INPP5D: variants seen among roughly 807,000 people sequenced by gnomAD.
The protein encoded by INPP5D is inositol polyphosphate-5-phosphatase D, also known as phosphatidylinositol 3,4,5-trisphosphate 5-phosphatase 1.
In INPP5D, 33 loss-of-function variants were observed where a neutral mutation model predicts 122.9. That is an observed-to-expected ratio of 0.27 (90% CI 0.20 to 0.36). INPP5D has a LOEUF of 0.36. INPP5D is among the 10% of genes least tolerant of loss of function. INPP5D has a pLI of 1.00. For synonymous variants in INPP5D, 584 were observed against 576.2 expected, an observed-to-expected ratio of 1.01 and a Z score of -0.19; for missense variants, 1,053 against 1,412.7, an observed-to-expected ratio of 0.75 and a Z score of 4.08.
intron 2 of INPP5D, among the ~76,000 whole-genome samples, chr2:233,081,693 TG>T (rs1691693606): frequency 6.6e-6 from 1 of 151,898 alleles, no homozygotes; most frequent in Non-Finnish European, 1.5e-5. Context: ...GGGTAAGGGG[TG>T]GGCAGCCTTT....
At chr2:233,121,121 C>CTTTTTTTTTTTCTTTT (rs1559302919) in intron 2 of INPP5D, among the ~76,000 whole-genome samples, 6 of 117,650 alleles carry the variant, frequency 5.1e-5, no homozygotes, top group Admixed American at 8.9e-5. Context: ...TTCTTTCTTT[C>CTTTTTTTTTTTCTTTT]TTTTTTTTTT....
intron 3 of INPP5D, among the ~76,000 whole-genome samples, chr2:233,123,636 T>C (rs1693063230): frequency 6.6e-6 from 1 of 152,144 alleles, no homozygotes; most frequent in African/African-American, 2.4e-5. Flanking sequence ...CCTAAGGGAA[T>C]AGAAATCATT....
rs1439466145 is a variant in INPP5D, at chr2:233,099,934, T to TATG, written c.198+20536_198+20537insATG. ...GGCGGAAGGTGAAGGGCACATCTCA[T>TATG]GTGGCAGACAAGAGAAGAATGAGCT... On this transcript the variant is annotated intron_variant, in intron 2 of 26. Coordinates refer to ENST00000445964, the MANE Select transcript of INPP5D (RefSeq NM_001017915.3). 3.4e-3 allele frequency among the ~76,000 whole-genome samples: 511 copies of TATG among 152,224 alleles called. 2 individuals carry two copies. The highest frequency in any genetic ancestry group is 0.011 in the African/African-American group (471 of 41,490).
intron 2 of INPP5D, among the ~76,000 whole-genome samples, chr2:233,080,719 G>A (rs1404622789): frequency 6.6e-6 from 1 of 152,172 alleles, no homozygotes; most frequent in Non-Finnish European, 1.5e-5. Context: ...AGTAGACAGG[G>A]AGCTGGACTC....
intron 2 of INPP5D, among the ~76,000 whole-genome samples, chr2:233,109,431 G>A (rs115181022): frequency 0.017 from 2,602 of 152,270 alleles, 59 homozygotes; most frequent in African/African-American, 0.055. Flanking sequence ...TATTGGCGTG[G>A]GCATTGTTGC....
In INPP5D at chr2:233,206,681, C is replaced by A. The variant is rs757976299; in HGVS notation, c.3568-25C>A. The stretch of plus-strand genomic sequence containing the variant: ...ATGGCCTGGTGAGAATGAGCCCTGA[C>A]AGCCCTTCTGTTCTTGTCCCACAGT... On this transcript the variant is annotated intron_variant, in intron 26 of 26. Coordinates refer to ENST00000445964, the MANE Select transcript of INPP5D (RefSeq NM_001017915.3). This position sits in a 1 kb window ranked among gnomAD's most constrained non-coding sequence, Gnocchi z 4.0. The A allele has an allele frequency of 1.3e-6, 1 of 772,096 alleles. No individual in the cohort carries two copies. 47.8% of individuals were successfully genotyped at this position (772,096 alleles called of 1,614,324 possible).
chr2:233,082,112 T>C lies in INPP5D; in HGVS notation c.198+2714T>C, dbSNP rs1360276380. On this transcript the variant is annotated intron_variant, in intron 2 of 26. Transcript: ENST00000445964. The surrounding 1 kb of genome is among the most constrained non-coding windows in gnomAD (Gnocchi z 4.7). ...TGACCCCGGCACTAGATCTGTGACC[T>C]CCGCAGTAGCTGACATGGTACAGGG... Among the ~76,000 whole-genome samples the C allele has an allele frequency of 6.6e-6, 1 of 152,120 alleles. No individual in the cohort carries two copies. The highest frequency in any genetic ancestry group is 2.4e-5 in the African/African-American group (1 of 41,412).
chr2:233,118,120 C>T (rs1692856858), intron 2 of INPP5D, among the ~76,000 whole-genome samples: 1 of 152,212 alleles, frequency 6.6e-6, no homozygotes, highest in Non-Finnish European at 1.5e-5. Context: ...GACCCACCTA[C>T]TCCTGCTGGC....
At chr2:233,132,469 C>T (rs541487471) in intron 5 of INPP5D, among the ~76,000 whole-genome samples, 1 of 152,342 alleles carries the variant, frequency 6.6e-6, no homozygotes, top group East Asian at 1.9e-4. Context: ...CTTCTAGCTG[C>T]TCCATGACTC....
intron 6 of INPP5D, among the ~76,000 whole-genome samples, chr2:233,143,657 A>G (rs1693675402): frequency 6.6e-6 from 1 of 152,260 alleles, no homozygotes; most frequent in South Asian, 2.1e-4. Flanking sequence ...AGCAAGGGAA[A>G]GACCAAAAAG....
intron 2 of INPP5D, among the ~76,000 whole-genome samples, chr2:233,102,109 C>A (rs779858194): frequency 1.2e-4 from 19 of 152,090 alleles, no homozygotes; most frequent in East Asian, 1.9e-4. Flanking sequence ...CTGGTTTGGT[C>A]TCAGAGAGTT....
At position 233,207,018 on chromosome 2, in the gene INPP5D, C is replaced by T. The variant is rs539966442; in HGVS notation, c.*310C>T. ...GCCATTCTGAAGAAAGGAACTGCAG[C>T]GCCGATTTGAGGGTGGAGATATAGA... On this transcript the variant is annotated 3_prime_UTR_variant, in exon 27 of 27. Coordinates refer to ENST00000445964, the MANE Select transcript of INPP5D (RefSeq NM_001017915.3). This position sits in a 1 kb window ranked among gnomAD's most constrained non-coding sequence, Gnocchi z 4.6. 1.8e-5 allele frequency: 6 copies of T among 342,210 alleles called. No individual in the cohort carries two copies. Among genetic ancestry groups the T allele is most frequent in the East Asian group, 6.1e-5 (1 of 16,462 alleles). 21.2% of individuals were successfully genotyped at this position (342,210 alleles called of 1,614,324 possible). A position where few individuals can be genotyped will look rare whatever the true frequency, so the allele number is the denominator to read the frequency against.
intron 9 of INPP5D, among the ~76,000 whole-genome samples, chr2:233,153,496 G>A (rs1381071686): frequency 6.6e-6 from 1 of 152,156 alleles, no homozygotes; most frequent in African/African-American, 2.4e-5. Context: ...GATGGATAGC[G>A]AGAGTCACTT....
chr2:233,197,131 G>T lies in INPP5D; in HGVS notation c.2694-964G>T, dbSNP rs1402981514. ...GGGAACAAGGTACAGCTCGGAACCA[G>T]GCTGGCAGAGCACATGGGAGCTGTG... On this transcript the variant is annotated intron_variant, in intron 24 of 26. Coordinates refer to ENST00000445964, the MANE Select transcript of INPP5D (RefSeq NM_001017915.3). The surrounding 1 kb of genome is among the most constrained non-coding windows in gnomAD (Gnocchi z 4.4). Among the ~76,000 whole-genome samples the T allele has an allele frequency of 2.0e-5, 3 of 152,224 alleles. No homozygotes were observed. Among genetic ancestry groups the T allele is most frequent in the Admixed American group, 6.5e-5 (1 of 15,282 alleles).
At chr2:233,169,605 G>T in intron 14 of INPP5D, 1 of 759,648 alleles carries the variant, frequency 1.3e-6, no homozygotes, top group Non-Finnish European at 2.0e-6. Flanking sequence ...TTGTCTGAAG[G>T]TCAGAAAAGA....
chr2:233,132,758 G>A (rs549157440), intron 5 of INPP5D, among the ~76,000 whole-genome samples: 1 of 152,260 alleles, frequency 6.6e-6, no homozygotes, highest in East Asian at 1.9e-4. Flanking sequence ...CCTCCTCTGA[G>A]CCCTGTTCTG....
intron 1 of INPP5D, among the ~76,000 whole-genome samples, chr2:233,072,943 C>T (rs2106202998): frequency 6.6e-6 from 1 of 152,338 alleles, no homozygotes; most frequent in East Asian, 1.9e-4. Context: ...CACCCCTGAA[C>T]TGAAGAGGCA....
chr2:233,123,487 A>T (rs188366430), intron 3 of INPP5D, among the ~76,000 whole-genome samples: 45 of 152,236 alleles, frequency 3.0e-4, no homozygotes, highest in African/African-American at 1.1e-3. Flanking sequence ...GTCCCTAAAA[A>T]GTGTGTGAGA....
In INPP5D at chr2:233,094,518, A is replaced by C. The variant is rs1169567492; in HGVS notation, c.198+15120A>C. On this transcript the variant is annotated intron_variant, in intron 2 of 26. Transcript: ENST00000445964. ...ATAGAGCAAGACTCCATCCCAAAAA[A>C]AAAAAAAAAAAAAAAAAAAAAAAAT... 1.0e-3 allele frequency among the ~76,000 whole-genome samples: 151 copies of C among 147,140 alleles called. 5 individuals carry two copies. The highest frequency in any genetic ancestry group is 8.3e-3 in the South Asian group (38 of 4,568).
Sources: gnomAD v4.1 joint callset for allele counts (sites outside exome capture counted in the v4.1 genomes callset) on GRCh38, gnomAD v4.1.1 for gene constraint, Gnocchi (gnomAD v3.1) non-coding constraint, MANE v1.5 for transcripts, NCBI Gene and HGNC (gene_info 2026-07-23, HGNC 2026-07-21) for gene names.